Variants in TENM4 observed in about 807,000 individuals in gnomAD.
TENM4 encodes the protein teneurin-4.
In TENM4, 82 loss-of-function variants were observed where a neutral mutation model predicts 243.3. The ratio of observed to expected loss-of-function variants is 0.34; its 90% CI spans 0.28 to 0.40. TENM4 has a LOEUF of 0.40. TENM4 is among the 10% of genes least tolerant of loss of function. The pLI is 1.00. For synonymous variants in TENM4, 1,412 were observed against 1,456.3 expected, an observed-to-expected ratio of 0.97 and a Z score of 0.69; for missense variants, 3,138 against 3,673.3, an observed-to-expected ratio of 0.85 and a Z score of 3.77.
intron 9 of TENM4, among the ~76,000 whole-genome samples, chr11:78,873,297 C>T (rs1379316994): frequency 1.3e-5 from 2 of 152,158 alleles, no homozygotes; most frequent in African/African-American, 4.8e-5. Context: ...TAAGGAATTC[C>T]AGGGACCATG....
intron 6 of TENM4, among the ~76,000 whole-genome samples, chr11:79,059,524 G>A (rs1362668906): frequency 1.3e-5 from 2 of 152,232 alleles, no homozygotes; most frequent in Non-Finnish European, 2.9e-5. Context: ...CACAAATGCT[G>A]TAGTACAGGC....
intron 12 of TENM4, among the ~76,000 whole-genome samples, chr11:78,853,803 GC>G (rs1858604408): frequency 6.6e-6 from 1 of 152,222 alleles, no homozygotes; most frequent in African/African-American, 2.4e-5. Flanking sequence ...GAGAGATGTT[GC>G]CTCTGTGTGG....
intron 2 of TENM4, among the ~76,000 whole-genome samples, chr11:79,222,451 G>C (rs1864180490): frequency 6.6e-6 from 1 of 152,102 alleles, no homozygotes; most frequent in South Asian, 2.1e-4. Flanking sequence ...ATTGTGAATA[G>C]TGCTGCAATA....
chr11:79,143,729 G>A (rs920687084), intron 4 of TENM4, among the ~76,000 whole-genome samples: 6 of 151,606 alleles, frequency 4.0e-5, no homozygotes, highest in South Asian at 4.2e-4. Context: ...ATGGTGCTGG[G>A]AAAACAAGGT....
intron 12 of TENM4, 42 bp downstream of exon 12, chr11:78,854,062 G>A (rs1003753174): frequency 6.6e-7 from 1 of 1,526,476 alleles, no homozygotes; most frequent in African/African-American, 1.4e-5. Context: ...CCGACCAAAA[G>A]AGACAATATC....
In TENM4 at chr11:78,771,067, G is replaced by T; in HGVS notation, c.2464C>A (p.Gln822Lys). 6.3e-7 allele frequency: 1 copy of T among 1,578,340 alleles called. No individual in the cohort carries two copies. Among genetic ancestry groups the T allele is most frequent in the African/African-American group, 1.3e-5 (1 of 74,188 alleles). ...LDLNGWHCVCQLGWRGAGCDT... is the reference protein window; with the variant it reads ...LDLNGWHCVCKLGWRGAGCDT... ...CAGCCAGCTCCTCTCCAGCCCAGCT[G>T]GCAGACGCAGTGCCAACCATTCAGG... is the stretch of plus-strand genomic sequence containing the variant. Residue 822 changes from glutamine to lysine, a missense_variant, in exon 18 of 34, where the codon CAG becomes AAG. Physicochemically the swap from Gln to Lys is moderately conservative, Grantham distance 53 (BLOSUM62 1). Around this residue, in one of 2 missense-constraint regions of TENM4, gnomAD observed 2,467 missense variants for 3,059.1 expected, o/e 0.81. Coordinates refer to ENST00000278550, the MANE Select transcript of TENM4 (RefSeq NM_001098816.3).
chr11:79,113,152 C>T (rs1861541850), intron 4 of TENM4, among the ~76,000 whole-genome samples: 1 of 152,066 alleles, frequency 6.6e-6, no homozygotes, highest in African/African-American at 2.4e-5. Context: ...GTTTTATCAT[C>T]CCTTCAAGTG....
At chr11:78,732,241 ACT>A in intron 21 of TENM4, 73 bp downstream of exon 21, 1 of 1,517,090 alleles carries the variant, frequency 6.6e-7, no homozygotes, top group Middle Eastern at 1.9e-4. Context: ...TTCTCTTTCC[ACT>A]GTCTCTGAGA....
chr11:78,997,186 A>G (rs766705747), intron 6 of TENM4, among the ~76,000 whole-genome samples: 10 of 152,218 alleles, frequency 6.6e-5, no homozygotes, highest in Non-Finnish European at 1.0e-4. Context: ...TAAATGCTCA[A>G]TAAGTGACAG....
intron 1 of TENM4, among the ~76,000 whole-genome samples, chr11:79,405,577 C>A (rs140908830): frequency 1.1e-4 from 17 of 151,772 alleles, no homozygotes; most frequent in African/African-American, 3.9e-4. Context: ...GTAATTGTTT[C>A]TATGTCTTTT....
chr11:78,729,416 G>C lies in TENM4; in HGVS notation c.3366C>G (p.Asp1122Glu). The C allele has an allele frequency of 6.3e-7, 1 of 1,588,812 alleles. No homozygotes were observed. Among genetic ancestry groups the C allele is most frequent in the Non-Finnish European group, 8.6e-7 (1 of 1,166,698 alleles). Residue 1122 changes from aspartate to glutamate, a missense_variant, in exon 22 of 34, where the codon GAC becomes GAG. Around this residue, in one of 2 missense-constraint regions of TENM4, gnomAD observed 2,467 missense variants for 3,059.1 expected, o/e 0.81. Coordinates refer to ENST00000278550, the MANE Select transcript of TENM4 (RefSeq NM_001098816.3). ...LSYYFIWDKT[D>E]VYNQKVFGLS... ...GCCCAAACACCTTCTGGTTGTAGAC[G>C]TCTGTCTTGTCCCAAATGAAATAAT...
chr11:79,072,864 C>T (rs1316541081), intron 4 of TENM4, among the ~76,000 whole-genome samples: 3 of 152,082 alleles, frequency 2.0e-5, no homozygotes, highest in African/African-American at 4.8e-5. Flanking sequence ...TCACTAATAA[C>T]TCATATTAAT....
chr11:79,308,711 G>A (rs1365495980), intron 1 of TENM4, among the ~76,000 whole-genome samples: 2 of 152,168 alleles, frequency 1.3e-5, no homozygotes, highest in Non-Finnish European at 2.9e-5. Context: ...GAGTTAACTC[G>A]AGGCTAGCAC....
intron 7 of TENM4, among the ~76,000 whole-genome samples, chr11:78,897,370 T>C (rs1855821730): frequency 6.6e-6 from 1 of 152,170 alleles, no homozygotes; most frequent in Admixed American, 6.5e-5. Context: ...TTAACACCTA[T>C]ACTCAACTAC....
At chr11:78,673,238 G>T (rs976648806) in intron 30 of TENM4, among the ~76,000 whole-genome samples, 3 of 152,130 alleles carry the variant, frequency 2.0e-5, no homozygotes, top group African/African-American at 2.4e-5. Context: ...ATATACTTCA[G>T]GGGCCTGTTT....
At chr11:78,695,452 C>T (rs542382310) in intron 28 of TENM4, among the ~76,000 whole-genome samples, 1 of 152,318 alleles carries the variant, frequency 6.6e-6, no homozygotes, top group African/African-American at 2.4e-5. Flanking sequence ...CAACCTCCGC[C>T]TCCTGGATTT....
At chr11:78,808,452 T>A (rs1857434453) in intron 14 of TENM4, among the ~76,000 whole-genome samples, 1 of 152,236 alleles carries the variant, frequency 6.6e-6, no homozygotes, top group African/African-American at 2.4e-5. Context: ...AATGTAAGTA[T>A]GAGGTAGCTA....
At chr11:78,694,541 G>C (rs548127182) in intron 28 of TENM4, among the ~76,000 whole-genome samples, 2 of 152,310 alleles carry the variant, frequency 1.3e-5, no homozygotes, top group South Asian at 4.1e-4. Flanking sequence ...TGTATTTGAG[G>C]TGGTGCCTCT....
chr11:79,333,692 C>T lies in TENM4; in HGVS notation c.-320-36149G>A, dbSNP rs189637047. On this transcript the variant is annotated intron_variant, in intron 1 of 33. Coordinates refer to ENST00000278550, the MANE Select transcript of TENM4 (RefSeq NM_001098816.3). ...GGTCTTCAGATATTGGGTTTGAAGG[C>T]CTAAGAAAAATGAAACTACACCTAA... Among the ~76,000 whole-genome samples the T allele has an allele frequency of 1.9e-4, 29 of 152,290 alleles. No individual in the cohort carries two copies. The East Asian group carries it at 5.6e-3, about 29-fold the overall frequency.
Sources: gnomAD v4.1 joint callset for allele counts (sites outside exome capture counted in the v4.1 genomes callset) on GRCh38, gnomAD v4.1.1 for gene constraint, gnomAD v4.1.1 regional missense constraint, MANE v1.5 for transcripts, NCBI Gene and HGNC (gene_info 2026-07-23, HGNC 2026-07-21) for gene names.